The following PARD3B variants were observed in gnomAD, a reference collection of about 807,000 sequenced individuals.
PARD3B encodes the protein par-3 family cell polarity regulator beta, also known as partitioning defective 3 homolog B.
PARD3B carries 103 observed loss-of-function variants against 130.2 expected under a neutral mutation model. The observed-to-expected ratio is 0.79, with a 90% CI of 0.67 to 0.93. PARD3B has a LOEUF of 0.93. Among genes scored for constraint, PARD3B ranks in the 40% least tolerant of loss-of-function variants. The pLI, the probability that PARD3B is intolerant of heterozygous loss-of-function variation, is 0.00. For missense variants in PARD3B, 1,609 were observed against 1,499.2 expected (o/e 1.07, Z -1.21); for synonymous variants, 583 against 553.2 (o/e 1.05, Z -0.76).
intron 2 of PARD3B, among the ~76,000 whole-genome samples, chr2:204,843,124 G>A (rs760682910): frequency 1.3e-5 from 2 of 151,974 alleles, no homozygotes; most frequent in Non-Finnish European, 1.5e-5. Flanking sequence ...AGGTGATGCC[G>A]CTAAACCTCG....
At chr2:204,637,944 G>A (rs1269915582) in intron 1 of PARD3B, among the ~76,000 whole-genome samples, 2 of 152,050 alleles carry the variant, frequency 1.3e-5, no homozygotes, top group Non-Finnish European at 2.9e-5. Context: ...TGGTGGTTGT[G>A]AGGATGGCAA....
At chr2:205,329,534 T>A (rs959026879) in intron 18 of PARD3B, among the ~76,000 whole-genome samples, 1 of 152,200 alleles carries the variant, frequency 6.6e-6, no homozygotes, top group African/African-American at 2.4e-5. Context: ...CAGTGCATCT[T>A]TGTCCATCTG....
chr2:204,553,655 T>C (rs2030669061), intron 1 of PARD3B, among the ~76,000 whole-genome samples: 3 of 7,198 alleles, frequency 4.2e-4, no homozygotes, highest in Non-Finnish European at 1.3e-3. Flanking sequence ...TATATCCATA[T>C]ATATATATAT....
intron 3 of PARD3B, among the ~76,000 whole-genome samples, chr2:204,970,442 AC>A (rs1399466398): frequency 7.2e-5 from 11 of 152,194 alleles, no homozygotes; most frequent in Admixed American, 4.6e-4. Context: ...ATGTGTCACC[AC>A]CATATCTCCC....
intron 2 of PARD3B, among the ~76,000 whole-genome samples, chr2:204,803,944 A>G (rs529252569): frequency 5.5e-4 from 84 of 152,250 alleles, no homozygotes; most frequent in African/African-American, 2.0e-3. Flanking sequence ...AGTTGTGGCC[A>G]GCGAGATAGC....
chr2:205,167,243 C>G (rs1036759159), intron 11 of PARD3B, among the ~76,000 whole-genome samples: 3 of 152,048 alleles, frequency 2.0e-5, no homozygotes, highest in African/African-American at 7.2e-5. Flanking sequence ...GGTCATTGCA[C>G]CCCCCAGCAA....
At chr2:205,203,369 A>T (rs866689874) in intron 15 of PARD3B, among the ~76,000 whole-genome samples, 1 of 150,704 alleles carries the variant, frequency 6.6e-6, no homozygotes, top group Admixed American at 6.6e-5. Flanking sequence ...TGTATCTAGG[A>T]TTCTAAGCCT....
At chr2:204,923,622 G>A (rs1222608168) in intron 2 of PARD3B, among the ~76,000 whole-genome samples, 1 of 152,020 alleles carries the variant, frequency 6.6e-6, no homozygotes, top group Non-Finnish European at 1.5e-5. Flanking sequence ...AGGCTCTGGA[G>A]ATTGGGTGGA....
At chr2:204,650,902 G>C (rs1255510792) in intron 1 of PARD3B, among the ~76,000 whole-genome samples, 1 of 151,958 alleles carries the variant, frequency 6.6e-6, no homozygotes, top group East Asian at 1.9e-4. Context: ...GAGAGAGAGA[G>C]AGAGAAGGAG....
intron 2 of PARD3B, among the ~76,000 whole-genome samples, chr2:204,859,141 G>A (rs1016187871): frequency 3.3e-5 from 5 of 152,026 alleles, no homozygotes; most frequent in African/African-American, 2.4e-5. Context: ...ATATTTAATA[G>A]CCAATTTTTT....
At chr2:205,020,178 T>TA (rs1022566802) in intron 3 of PARD3B, among the ~76,000 whole-genome samples, 14 of 152,128 alleles carry the variant, frequency 9.2e-5, no homozygotes, top group African/African-American at 3.1e-4. Flanking sequence ...ATCTCATCCT[T>TA]AAGACTTGGG....
intron 19 of PARD3B, among the ~76,000 whole-genome samples, chr2:205,420,697 G>A (rs1199917426): frequency 1.3e-5 from 2 of 152,164 alleles, no homozygotes; most frequent in African/African-American, 2.4e-5. Flanking sequence ...TTATTTCAGG[G>A]ATGAATGCAT....
At chr2:204,637,833 C>T (rs1332503389) in intron 1 of PARD3B, among the ~76,000 whole-genome samples, 2 of 151,640 alleles carry the variant, frequency 1.3e-5, no homozygotes, top group Non-Finnish European at 2.9e-5. Flanking sequence ...TTTTGGAAGG[C>T]ACTTTGGCTT....
chr2:205,443,116 AATGTT>A (rs1271684178), intron 20 of PARD3B, among the ~76,000 whole-genome samples: 1 of 152,202 alleles, frequency 6.6e-6, no homozygotes, highest in African/African-American at 2.4e-5. Flanking sequence ...AGCATTCACT[AATGTT>A]AGGTATTATC....
chr2:205,440,535 T>C lies in PARD3B; in HGVS notation c.2907T>C (p.Phe969=). 6.2e-7 allele frequency: 1 copy of C among 1,614,082 alleles called. No individual in the cohort carries two copies. Among genetic ancestry groups the C allele is most frequent in the Non-Finnish European group, 8.5e-7 (1 of 1,179,986 alleles). The change falls in exon 20 of 23, where the codon TTT becomes TTC. Residue 969 remains phenylalanine, a synonymous_variant. Transcript: ENST00000406610. The surrounding 1 kb of genome is among the most constrained non-coding windows in gnomAD (Gnocchi z 4.2). ...FREPCTSANV[F]RSPSPPRAGP... ...AACCATGCACATCAGCAAATGTCTT[T>C]AGATCTCCATCTCCCCCTCGAGCTG... is the stretch of plus-strand genomic sequence containing the variant.
At chr2:204,735,139 A>G (rs901924825) in intron 2 of PARD3B, among the ~76,000 whole-genome samples, 2 of 152,048 alleles carry the variant, frequency 1.3e-5, no homozygotes, top group African/African-American at 4.8e-5. Flanking sequence ...TTGAATAACA[A>G]GATAGTCACA....
chr2:204,691,646 A>G (rs991383184), intron 2 of PARD3B, among the ~76,000 whole-genome samples: 2 of 152,140 alleles, frequency 1.3e-5, no homozygotes, highest in African/African-American at 4.8e-5. Flanking sequence ...TAAGTATAGT[A>G]TAGCATATAC....
chr2:205,477,159 T>C (rs1032364689), intron 20 of PARD3B, among the ~76,000 whole-genome samples: 1 of 152,226 alleles, frequency 6.6e-6, no homozygotes, highest in African/African-American at 2.4e-5. Context: ...CCTTTTGCAC[T>C]TCAACCTCCA....
At chr2:204,572,395 C>A (rs1308448201) in intron 1 of PARD3B, among the ~76,000 whole-genome samples, 6 of 152,054 alleles carry the variant, frequency 3.9e-5, no homozygotes, top group Non-Finnish European at 7.4e-5. Flanking sequence ...GAGGAAAGAA[C>A]CAGGCTGGAG....
Sources: allele counts gnomAD v4.1 joint callset (sites outside exome capture counted in the v4.1 genomes callset), GRCh38; gene constraint gnomAD v4.1.1; non-coding constraint Gnocchi (gnomAD v3.1); transcripts MANE v1.5; gene names NCBI Gene and HGNC (gene_info 2026-07-23, HGNC 2026-07-21).